The following SPOCK3 variants were observed in gnomAD, a reference collection of about 807,000 sequenced individuals.
SPOCK3 encodes the protein testican-3.
Under a neutral mutation model 56.6 loss-of-function variants are expected in SPOCK3, and 30 were observed. The observed-to-expected ratio is 0.53, with a 90% confidence interval of 0.40 to 0.72. The LOEUF is 0.72. Among genes scored for constraint, SPOCK3 ranks in the 30% least tolerant of loss-of-function variants. SPOCK3 has a pLI of 0.00. For synonymous variants in SPOCK3, 196 were observed against 183.3 expected (o/e 1.07, Z -0.56); for missense variants, 527 against 530.0 (o/e 0.99, Z 0.06).
intron 3 of SPOCK3, among the ~76,000 whole-genome samples, chr4:167,021,235 C>A (rs957910046): frequency 6.6e-6 from 1 of 151,992 alleles, no homozygotes; most frequent in Non-Finnish European, 1.5e-5. Context: ...AATATTAACA[C>A]AAAGTGGCTC....
intron 2 of SPOCK3, among the ~76,000 whole-genome samples, chr4:167,214,376 A>T (rs1424403874): frequency 6.6e-6 from 1 of 152,130 alleles, no homozygotes; most frequent in African/African-American, 2.4e-5. Context: ...CCAGAGTTGA[A>T]TGCATAACAC....
At chr4:166,785,462 C>A (rs1490020843) in intron 7 of SPOCK3, among the ~76,000 whole-genome samples, 1 of 152,038 alleles carries the variant, frequency 6.6e-6, no homozygotes. Flanking sequence ...ATTCTTTATG[C>A]AAATGCTATA....
chr4:167,142,365 C>T (rs533519635), intron 2 of SPOCK3, among the ~76,000 whole-genome samples: 1 of 151,936 alleles, frequency 6.6e-6, no homozygotes, highest in African/African-American at 2.4e-5. Flanking sequence ...GGCATGCCAT[C>T]ATCATGCTTT....
At chr4:166,967,829 A>G (rs962607915) in intron 4 of SPOCK3, among the ~76,000 whole-genome samples, 4 of 152,210 alleles carry the variant, frequency 2.6e-5, no homozygotes, top group African/African-American at 9.6e-5. Flanking sequence ...GAGGGGCTCA[A>G]AAAAAGACAG....
intron 4 of SPOCK3, among the ~76,000 whole-genome samples, chr4:166,989,278 C>T (rs941980524): frequency 4.0e-5 from 6 of 151,786 alleles, no homozygotes; most frequent in African/African-American, 7.3e-5. Flanking sequence ...ACATTATTAC[C>T]GAGACCTGTG....
intron 6 of SPOCK3, among the ~76,000 whole-genome samples, chr4:166,838,398 T>G (rs1746854130): frequency 6.6e-6 from 1 of 152,108 alleles, no homozygotes. Context: ...TTGCTTAGAT[T>G]GTATAATTTT....
chr4:167,036,489 T>G (rs1001486011), intron 3 of SPOCK3, among the ~76,000 whole-genome samples: 1 of 152,246 alleles, frequency 6.6e-6, no homozygotes, highest in Non-Finnish European at 1.5e-5. Flanking sequence ...AAAACAATTT[T>G]TAAATATTCT....
At chr4:166,862,574 T>G (rs1272092776) in intron 6 of SPOCK3, among the ~76,000 whole-genome samples, 1 of 152,112 alleles carries the variant, frequency 6.6e-6, no homozygotes, top group East Asian at 1.9e-4. Flanking sequence ...TTTGTCATGT[T>G]TGTTAAATAC....
At chr4:167,033,943 T>TTTTAATTAA in intron 3 of SPOCK3, among the ~76,000 whole-genome samples, 1 of 152,092 alleles carries the variant, frequency 6.6e-6, no homozygotes, top group East Asian at 1.9e-4. Flanking sequence ...AGTGTTTTAC[T>TTTTAATTAA]AAGCAAATTA....
intron 9 of SPOCK3, among the ~76,000 whole-genome samples, chr4:166,741,273 A>G (rs1304756393): frequency 6.6e-6 from 1 of 152,188 alleles, no homozygotes; most frequent in Non-Finnish European, 1.5e-5. Context: ...TTTCTTAGAT[A>G]TTTACAAATG....
At chr4:166,863,464 A>T (rs1446119257) in intron 6 of SPOCK3, among the ~76,000 whole-genome samples, 1 of 152,148 alleles carries the variant, frequency 6.6e-6, no homozygotes, top group Non-Finnish European at 1.5e-5. Flanking sequence ...AATGGGCCAA[A>T]TGCCCCAATT....
intron 4 of SPOCK3, among the ~76,000 whole-genome samples, chr4:166,996,874 T>G (rs767577843): frequency 6.6e-6 from 1 of 152,300 alleles, no homozygotes; most frequent in Non-Finnish European, 1.5e-5. Context: ...TTTAAAACGC[T>G]GAGGAAGGAG....
Position 167,086,267 on chromosome 4 carries a change from T to C in SPOCK3, c.190-23730A>G, listed in dbSNP as rs546165409. Among the ~76,000 whole-genome samples the C allele has an allele frequency of 2.6e-3, 398 of 152,256 alleles. 2 individuals are homozygous for C. The highest frequency in any genetic ancestry group is 8.9e-3 in the African/African-American group (372 of 41,584). ...TTAATTTTAGTCCTTGTTTTGTTAT[T>C]GCAAAATGAACCACATTTTAATTAC... On this transcript the variant is annotated intron_variant, in intron 2 of 10. Coordinates refer to ENST00000357545, the MANE Select transcript of SPOCK3 (RefSeq NM_001040159.2).
intron 6 of SPOCK3, among the ~76,000 whole-genome samples, chr4:166,813,533 AAT>A (rs767107403): frequency 3.3e-5 from 5 of 151,430 alleles, no homozygotes; most frequent in Non-Finnish European, 7.4e-5. Context: ...CAGAAAAAGA[AAT>A]ATCCAAAAAT....
At chr4:167,121,972 C>G (rs1394724045) in intron 2 of SPOCK3, among the ~76,000 whole-genome samples, 1 of 151,978 alleles carries the variant, frequency 6.6e-6, no homozygotes, top group Admixed American at 6.6e-5. Flanking sequence ...AAAAAGAAAC[C>G]TGTGAATTTA....
chr4:167,116,758 A>C (rs2150357235), intron 2 of SPOCK3, among the ~76,000 whole-genome samples: 1 of 138,936 alleles, frequency 7.2e-6, no homozygotes, highest in African/African-American at 2.6e-5. Context: ...ACATATGTAT[A>C]TATACACACA....
intron 2 of SPOCK3, among the ~76,000 whole-genome samples, chr4:167,101,765 C>A (rs974177712): frequency 1.4e-5 from 2 of 147,980 alleles, no homozygotes; most frequent in African/African-American, 5.0e-5. Flanking sequence ...ACCAGGCTGC[C>A]AGGCTGGAGT....
intron 7 of SPOCK3, among the ~76,000 whole-genome samples, chr4:166,783,402 C>T (rs548060655): frequency 6.6e-6 from 1 of 152,060 alleles, no homozygotes; most frequent in East Asian, 1.9e-4. Flanking sequence ...ACTCAGGCTG[C>T]TAACATTTTC....
chr4:166,751,067 A>G (rs547993207), intron 8 of SPOCK3, among the ~76,000 whole-genome samples: 2 of 152,284 alleles, frequency 1.3e-5, no homozygotes, highest in South Asian at 4.2e-4. Flanking sequence ...TAAGTAAGCC[A>G]CTGCCCTTAA....
Sources: allele counts gnomAD v4.1 joint callset (sites outside exome capture counted in the v4.1 genomes callset), GRCh38; gene constraint gnomAD v4.1.1; transcripts MANE v1.5; gene names NCBI Gene and HGNC (gene_info 2026-07-23, HGNC 2026-07-21).